The following DPY19L1 variants were observed in gnomAD, a reference collection of about 807,000 sequenced individuals.
DPY19L1 encodes protein C-mannosyl-transferase DPY19L1.
DPY19L1 carries 35 observed loss-of-function variants against 96.9 expected under a neutral mutation model. That is an observed-to-expected ratio of 0.36 (90% confidence interval 0.28 to 0.48). The LOEUF (loss-of-function observed/expected upper bound fraction) is 0.48, where lower values mean the gene tolerates loss of function less well. DPY19L1 is among the 20% of genes least tolerant of loss of function. The probability of loss-of-function intolerance (pLI) is 0.99; values close to 1 mark genes in which losing one functional copy is unlikely to be tolerated. For missense variants in DPY19L1, 521 were observed against 777.9 expected (o/e 0.67, Z 3.93); for synonymous variants, 205 against 252.6 (o/e 0.81, Z 1.79).
intron 7 of DPY19L1, among the ~76,000 whole-genome samples, chr7:34,976,323 G>C (rs1392521079): frequency 2.0e-5 from 3 of 152,172 alleles, no homozygotes; most frequent in Non-Finnish European, 2.9e-5. Flanking sequence ...TGATGGAAAT[G>C]GCAAGATAAC....
intron 1 of DPY19L1, among the ~76,000 whole-genome samples, chr7:35,027,601 G>A (rs1228088740): frequency 2.0e-5 from 3 of 150,078 alleles, no homozygotes; most frequent in African/African-American, 7.3e-5. Flanking sequence ...AGGCCGAGGC[G>A]GGTGGATCAC....
intron 10 of DPY19L1, among the ~76,000 whole-genome samples, chr7:34,962,056 A>G (rs1429963179): frequency 2.0e-5 from 3 of 152,196 alleles, no homozygotes; most frequent in Non-Finnish European, 4.4e-5. Context: ...CTAAAAACTA[A>G]GCATACTCTC....
In DPY19L1 at chr7:34,949,855, T is replaced by G; in HGVS notation, c.1364A>C (p.Lys455Thr). 6.2e-7 allele frequency: 1 copy of G among 1,601,556 alleles called. No homozygotes were observed. Among genetic ancestry groups the G allele is most frequent in the Non-Finnish European group, 8.5e-7 (1 of 1,175,510 alleles). ...NLLTSKFFSY[K>T]DFDTLLYTCA... ...GGTATACAATAAAGTATCAAAATCC[T>G]TATAACTAAAGAATTTTGATGTTAG... The change falls in exon 14 of 22, where the codon AAG (lysine) becomes ACG (threonine). Residue 455 changes from lysine to threonine, a missense_variant. Transcript: ENST00000638088.
chr7:34,956,524 T>C (rs1784383239), intron 11 of DPY19L1, among the ~76,000 whole-genome samples: 1 of 151,772 alleles, frequency 6.6e-6, no homozygotes, highest in Non-Finnish European at 1.5e-5. Flanking sequence ...TTTTTTTTTT[T>C]GAAATGGAGT....
At chr7:34,990,940 G>A (rs995926649) in intron 6 of DPY19L1, among the ~76,000 whole-genome samples, 6 of 152,170 alleles carry the variant, frequency 3.9e-5, no homozygotes, top group Non-Finnish European at 5.9e-5. Context: ...TTACTCTTGT[G>A]ATGTATCAAT....
At chr7:34,985,800 A>T (rs780058489) in intron 7 of DPY19L1, among the ~76,000 whole-genome samples, 3 of 152,072 alleles carry the variant, frequency 2.0e-5, no homozygotes, top group Non-Finnish European at 4.4e-5. Context: ...TAGCAATCCC[A>T]CTTCAGAGTA....
intron 6 of DPY19L1, among the ~76,000 whole-genome samples, chr7:34,992,697 C>T (rs1785199224): frequency 6.6e-6 from 1 of 151,934 alleles, no homozygotes; most frequent in Non-Finnish European, 1.5e-5. Context: ...CAGGTGTGAC[C>T]CTGCCTTCGT....
At chr7:34,966,491 T>C (rs1229084176) in intron 10 of DPY19L1, among the ~76,000 whole-genome samples, 2 of 152,128 alleles carry the variant, frequency 1.3e-5, no homozygotes, top group South Asian at 2.1e-4. Context: ...GAGATCTGGC[T>C]CTGTTGCCCA....
At chr7:34,950,822 T>C (rs1372986550) in intron 13 of DPY19L1, among the ~76,000 whole-genome samples, 4 of 152,124 alleles carry the variant, frequency 2.6e-5, no homozygotes, top group Admixed American at 6.6e-5. Context: ...AAATAAGTCC[T>C]AGTATTATGA....
chr7:34,969,968 T>A (rs887453042), intron 8 of DPY19L1, among the ~76,000 whole-genome samples: 1 of 152,186 alleles, frequency 6.6e-6, no homozygotes, highest in African/African-American at 2.4e-5. Context: ...AGAGATTTTG[T>A]AAGCATGTGA....
chr7:35,012,817 G>C (rs1486958136), intron 4 of DPY19L1, among the ~76,000 whole-genome samples: 1 of 151,784 alleles, frequency 6.6e-6, no homozygotes, highest in Non-Finnish European at 1.5e-5. Context: ...TTAATATCCA[G>C]TATATAATAA....
chr7:35,027,760 C>T (rs1398077106), intron 1 of DPY19L1, among the ~76,000 whole-genome samples: 1 of 150,862 alleles, frequency 6.6e-6, no homozygotes, highest in Admixed American at 6.6e-5. Flanking sequence ...ATCGCTTGAA[C>T]TTGGGAGGCA....
intron 6 of DPY19L1, among the ~76,000 whole-genome samples, chr7:34,990,540 T>C (rs1038522830): frequency 6.6e-6 from 1 of 152,262 alleles, no homozygotes; most frequent in African/African-American, 2.4e-5. Flanking sequence ...ATGTTTCATT[T>C]GATTTCAAAA....
intron 1 of DPY19L1, among the ~76,000 whole-genome samples, chr7:35,030,224 G>A (rs1205849504): frequency 6.6e-6 from 1 of 152,218 alleles, no homozygotes; most frequent in Non-Finnish European, 1.5e-5. Flanking sequence ...AGTAATTACT[G>A]TTAGGAAATA....
chr7:34,934,779 G>T (rs1783831479), intron 21 of DPY19L1, among the ~76,000 whole-genome samples: 1 of 152,200 alleles, frequency 6.6e-6, no homozygotes, highest in Non-Finnish European at 1.5e-5. Context: ...CCACTCATCT[G>T]ACAGGAGCCA....
intron 1 of DPY19L1, among the ~76,000 whole-genome samples, chr7:35,022,888 C>T (rs1371988878): frequency 1.3e-5 from 2 of 152,172 alleles, no homozygotes; most frequent in African/African-American, 4.8e-5. Flanking sequence ...CAGTGGGGCA[C>T]GGGTCCCAGG....
At chr7:35,031,792 T>A (rs183204656) in intron 1 of DPY19L1, among the ~76,000 whole-genome samples, 1 of 152,294 alleles carries the variant, frequency 6.6e-6, no homozygotes, top group East Asian at 1.9e-4. Flanking sequence ...CTGTTAATAA[T>A]AAAATATGTT....
At chr7:34,995,916 T>TGG (rs376431818) in intron 6 of DPY19L1, among the ~76,000 whole-genome samples, 1 of 65,256 alleles carries the variant, frequency 1.5e-5, no homozygotes, top group African/African-American at 6.4e-5. Context: ...ATGGCGGCGG[T>TGG]GGGGGGGGCG....
intron 10 of DPY19L1, among the ~76,000 whole-genome samples, chr7:34,963,744 C>T (rs1784554033): frequency 6.6e-6 from 1 of 151,888 alleles, no homozygotes; most frequent in East Asian, 1.9e-4. Flanking sequence ...ACACCATGGA[C>T]TATTATTTAG....
Sources: allele counts gnomAD v4.1 joint callset (sites outside exome capture counted in the v4.1 genomes callset), GRCh38; gene constraint gnomAD v4.1.1; transcripts MANE v1.5; gene names NCBI Gene and HGNC (gene_info 2026-07-23, HGNC 2026-07-21).